Variants in LINGO2 observed in about 807,000 individuals in gnomAD.
LINGO2 encodes the protein leucine-rich repeat and immunoglobulin-like domain-containing nogo receptor-interacting protein 2.
Under a neutral mutation model 30.6 loss-of-function variants are expected in LINGO2, and 14 were observed. The observed-to-expected ratio is 0.46, with a 90% CI of 0.30 to 0.72. LINGO2 has a LOEUF of 0.72. LINGO2 is among the 30% of genes least tolerant of loss of function. The pLI is 0.07. For missense variants in LINGO2, 729 were observed against 751.7 expected (o/e 0.97, Z 0.35); for synonymous variants, 317 against 288.5 (o/e 1.10, Z -1.00).
the LINGO2 span, among the ~76,000 whole-genome samples, chr9:28,884,898 C>CTA: frequency 8.9e-6 from 1 of 111,738 alleles, no homozygotes; most frequent in East Asian, 2.4e-4. Context: ...TATATAGATA[C>CTA]TATATATATG....
the LINGO2 span, among the ~76,000 whole-genome samples, chr9:28,916,830 A>G: frequency 6.6e-6 from 1 of 152,174 alleles, no homozygotes. Context: ...TTCCATTTTA[A>G]ATAGGTGTAT....
intron 2 of LINGO2, among the ~76,000 whole-genome samples, chr9:28,395,036 C>T (rs1432797857): frequency 6.6e-6 from 1 of 152,176 alleles, no homozygotes; most frequent in Non-Finnish European, 1.5e-5. Context: ...AATCATCTGT[C>T]TTGGCACTTG....
intron 2 of LINGO2, among the ~76,000 whole-genome samples, chr9:28,421,119 T>A (rs1236845677): frequency 1.3e-4 from 20 of 151,742 alleles, no homozygotes; most frequent in Non-Finnish European, 4.4e-5. Context: ...ACAAAAAAAA[T>A]TCAAAGTTGT....
the LINGO2 span, among the ~76,000 whole-genome samples, chr9:28,793,244 T>A: frequency 1.3e-5 from 2 of 151,128 alleles, no homozygotes; most frequent in African/African-American, 4.9e-5. Flanking sequence ...ATTTTTTAAA[T>A]TTTTTTGAGC....
intron 3 of LINGO2, among the ~76,000 whole-genome samples, chr9:28,309,024 C>T (rs1824493671): frequency 6.6e-6 from 1 of 152,030 alleles, no homozygotes; most frequent in African/African-American, 2.4e-5. Context: ...GTCAGTGTGG[C>T]AATTCCTCAG....
chr9:28,430,109 C>CGCGCGCGTGTGTGT (rs569701444), intron 2 of LINGO2, among the ~76,000 whole-genome samples: 15 of 136,200 alleles, frequency 1.1e-4, no homozygotes, highest in South Asian at 2.2e-4. Context: ...CGCGCGCGCG[C>CGCGCGCGTGTGTGT]GTGTGTGTGT....
chr9:27,944,651 C>A (rs1823294960), downstream of LINGO2, among the ~76,000 whole-genome samples: 1 of 152,068 alleles, frequency 6.6e-6, no homozygotes, highest in Non-Finnish European at 1.5e-5. Flanking sequence ...GCTCCCAAAG[C>A]CAACGGTGGA....
chr9:29,187,275 C>A, the LINGO2 span, among the ~76,000 whole-genome samples: 1 of 152,178 alleles, frequency 6.6e-6, no homozygotes, highest in South Asian at 2.1e-4. Context: ...TGCTGGAGAA[C>A]TGAGCAAAAA....
At chr9:28,991,913 GC>G in the LINGO2 span, among the ~76,000 whole-genome samples, 1 of 152,022 alleles carries the variant, frequency 6.6e-6, no homozygotes, top group African/African-American at 2.4e-5. Context: ...GCAAAAGCAT[GC>G]CAAATTGTAA....
At chr9:28,395,120 T>A (rs1476661332) in intron 2 of LINGO2, among the ~76,000 whole-genome samples, 3 of 152,184 alleles carry the variant, frequency 2.0e-5, no homozygotes, top group Admixed American at 1.3e-4. Flanking sequence ...TAACAGGTAC[T>A]TGATAAGGGT....
chr9:28,017,446 T>G (rs1822895021), intron 4 of LINGO2, among the ~76,000 whole-genome samples: 1 of 152,196 alleles, frequency 6.6e-6, no homozygotes, highest in African/African-American at 2.4e-5. Context: ...AATCCCATAG[T>G]GTCTGCCCAA....
chr9:27,949,253 G>A (rs755826820), exon 6 of LINGO2: 4 of 1,613,966 alleles, frequency 2.5e-6, no homozygotes, highest in Non-Finnish European at 3.4e-6. Flanking sequence ...CTTGATCCTG[G>A]GCAAAGCGGA....
chr9:29,186,019 C>T, the LINGO2 span, among the ~76,000 whole-genome samples: 1 of 152,202 alleles, frequency 6.6e-6, no homozygotes, highest in African/African-American at 2.4e-5. Context: ...CCAGGTCAAT[C>T]ACTTTTTTTT....
chr9:28,980,686 C>T, the LINGO2 span, among the ~76,000 whole-genome samples: 4 of 152,076 alleles, frequency 2.6e-5, no homozygotes, highest in African/African-American at 7.2e-5. Flanking sequence ...GCTCAAAGGT[C>T]GCCTGCTCAG....
chr9:27,999,219 C>G (rs1054043789), intron 5 of LINGO2, among the ~76,000 whole-genome samples: 1 of 152,036 alleles, frequency 6.6e-6, no homozygotes, highest in Non-Finnish European at 1.5e-5. Context: ...AACATACTCT[C>G]TGAAAAGCCA....
intron 2 of LINGO2, among the ~76,000 whole-genome samples, chr9:28,394,255 G>C (rs1821955280): frequency 6.6e-6 from 1 of 152,168 alleles, no homozygotes; most frequent in Admixed American, 6.5e-5. Context: ...ATGAACCACA[G>C]TTTGCCAGGC....
At chr9:28,155,628 G>A (rs1453775976) in intron 4 of LINGO2, among the ~76,000 whole-genome samples, 1 of 152,250 alleles carries the variant, frequency 6.6e-6, no homozygotes, top group East Asian at 1.9e-4. Context: ...TTACAATTAT[G>A]AGACAAAATC....
intron 1 of LINGO2, among the ~76,000 whole-genome samples, chr9:28,580,209 A>T (rs1359003057): frequency 6.6e-6 from 1 of 152,078 alleles, no homozygotes; most frequent in East Asian, 1.9e-4. Context: ...ATACCAGTAC[A>T]GAATGCAATC....
chr9:28,022,872 G>T (rs1020280224), intron 4 of LINGO2, among the ~76,000 whole-genome samples: 2 of 149,940 alleles, frequency 1.3e-5, no homozygotes, highest in African/African-American at 5.0e-5. Context: ...CTGATTTTTT[G>T]TTTTGTTTTG....
Sources: allele counts gnomAD v4.1 joint callset (sites outside exome capture counted in the v4.1 genomes callset), GRCh38; gene constraint gnomAD v4.1.1; transcripts MANE v1.5; gene names NCBI Gene and HGNC (gene_info 2026-07-23, HGNC 2026-07-21).